Variants in CLSTN2 observed in about 807,000 individuals in gnomAD.
CLSTN2 encodes the protein calsyntenin-2.
A neutral mutation model predicts 101.2 loss-of-function variants in CLSTN2; 48 were observed. That is an observed-to-expected ratio of 0.47 (90% CI 0.38 to 0.60). CLSTN2 has a LOEUF of 0.60. CLSTN2 is among the 20% of genes least tolerant of loss of function. CLSTN2 has a pLI of 0.00. For synonymous variants in CLSTN2, 481 were observed against 463.6 expected, an observed-to-expected ratio of 1.04 and a Z score of -0.48; for missense variants, 1,160 against 1,238.2, an observed-to-expected ratio of 0.94 and a Z score of 0.95.
intron 2 of CLSTN2, among the ~76,000 whole-genome samples, chr3:140,221,167 A>G (rs1485514092): frequency 2.0e-5 from 3 of 152,184 alleles, no homozygotes; most frequent in Non-Finnish European, 2.9e-5. Flanking sequence ...ACAGCAACCC[A>G]TTGCAGGGGT....
At chr3:140,178,781 C>G (rs2010362284) in intron 2 of CLSTN2, among the ~76,000 whole-genome samples, 1 of 152,142 alleles carries the variant, frequency 6.6e-6, no homozygotes, top group Non-Finnish European at 1.5e-5. Flanking sequence ...TTGAAAAATT[C>G]ATATCTGCCA....
chr3:140,234,806 C>T (rs2086402548), intron 2 of CLSTN2, among the ~76,000 whole-genome samples: 1 of 152,146 alleles, frequency 6.6e-6, no homozygotes, highest in African/African-American at 2.4e-5. Context: ...CCGTGTACTG[C>T]CCTGGTTGTT....
intron 1 of CLSTN2, among the ~76,000 whole-genome samples, chr3:140,037,961 G>T (rs1472770555): frequency 6.6e-6 from 1 of 152,124 alleles, no homozygotes; most frequent in Non-Finnish European, 1.5e-5. Flanking sequence ...GGGCATTTGG[G>T]TTGATTCCAT....
intron 9 of CLSTN2, among the ~76,000 whole-genome samples, chr3:140,540,409 A>T (rs1935452333): frequency 6.6e-6 from 1 of 152,204 alleles, no homozygotes; most frequent in Non-Finnish European, 1.5e-5. Flanking sequence ...GATTGTGTGG[A>T]CCGAGTTTTA....
At chr3:140,407,980 GA>G (rs529888305) in intron 4 of CLSTN2, among the ~76,000 whole-genome samples, 157 of 152,270 alleles carry the variant, frequency 1.0e-3, no homozygotes, top group African/African-American at 3.6e-3. Flanking sequence ...AAAAGGCAGA[GA>G]AGGAGATCCC....
chr3:140,558,082 C>G (rs1053781022), intron 11 of CLSTN2, among the ~76,000 whole-genome samples: 2 of 152,186 alleles, frequency 1.3e-5, no homozygotes, highest in African/African-American at 4.8e-5. Context: ...TGTCTCAGAC[C>G]TCGCTCTTTT....
chr3:140,241,876 T>TACACAC (rs747382201), intron 2 of CLSTN2, among the ~76,000 whole-genome samples: 3,742 of 139,876 alleles, frequency 0.027, 57 homozygotes, highest in African/African-American at 0.04. Flanking sequence ...TACACATATA[T>TACACAC]ATATACACAC....
At chr3:140,562,416 A>G in intron 13 of CLSTN2, 108 bp downstream of exon 13, 1 of 1,112,332 alleles carries the variant, frequency 9.0e-7, no homozygotes, top group Non-Finnish European at 1.3e-6. Flanking sequence ...GTGAAGCCCC[A>G]GGGACCAGTT....
At chr3:140,435,754 G>A (rs978801915) in intron 5 of CLSTN2, among the ~76,000 whole-genome samples, 1 of 152,074 alleles carries the variant, frequency 6.6e-6, no homozygotes, top group Non-Finnish European at 1.5e-5. Context: ...TTTTGGATAT[G>A]GGCCATTTTA....
At chr3:140,486,733 G>T (rs1371679874) in intron 8 of CLSTN2, among the ~76,000 whole-genome samples, 1 of 152,176 alleles carries the variant, frequency 6.6e-6, no homozygotes, top group African/African-American at 2.4e-5. Flanking sequence ...AGGAGAAATT[G>T]GACCAGGAAT....
chr3:140,284,238 T>C (rs773267035), intron 2 of CLSTN2, among the ~76,000 whole-genome samples: 1 of 152,014 alleles, frequency 6.6e-6, no homozygotes, highest in Non-Finnish European at 1.5e-5. Flanking sequence ...ATCTAAATTC[T>C]ATTATTTTTT....
At chr3:140,393,871 T>A (rs1043119802) in intron 2 of CLSTN2, among the ~76,000 whole-genome samples, 4 of 152,216 alleles carry the variant, frequency 2.6e-5, no homozygotes, top group African/African-American at 7.2e-5. Context: ...TTGGCAAATA[T>A]TAAAAATTTA....
At chr3:140,027,742 A>T (rs951918306) in intron 1 of CLSTN2, among the ~76,000 whole-genome samples, 2 of 152,186 alleles carry the variant, frequency 1.3e-5, no homozygotes, top group Non-Finnish European at 2.9e-5. Flanking sequence ...GGAAGCCGCC[A>T]CAGCTGATGC....
In CLSTN2 at chr3:140,572,676, C is replaced by A; in HGVS notation, c.*6423C>A. ...GAAGTGCATATTCTTGGGCCCCACC[C>A]CAGACCTACTGAATGAGAAGCTCTG... On this transcript the variant is annotated 3_prime_UTR_variant, in exon 17 of 17. Transcript: ENST00000458420. 1 of 152,382 alleles carries A rather than the reference C, an allele frequency of 6.6e-6. No individual in the cohort carries two copies. The highest frequency in any genetic ancestry group is 1.5e-5 in the Non-Finnish European group (1 of 68,086). The allele number at this position is 152,382 out of a possible 1,614,324, so 9.4% of individuals were successfully genotyped here. A position where few individuals can be genotyped will look rare whatever the true frequency, so the allele number is the denominator to read the frequency against.
At chr3:140,044,674 A>C (rs1039425252) in intron 1 of CLSTN2, among the ~76,000 whole-genome samples, 2 of 151,988 alleles carry the variant, frequency 1.3e-5, no homozygotes, top group Non-Finnish European at 1.5e-5. Flanking sequence ...GTTTGTCATA[A>C]ATAGCTCTTA....
At chr3:140,475,705 T>C (rs1933968202) in intron 8 of CLSTN2, among the ~76,000 whole-genome samples, 6 of 152,310 alleles carry the variant, frequency 3.9e-5, no homozygotes, top group Admixed American at 3.3e-4. Flanking sequence ...TTGGATCCTG[T>C]CTGGTCTCTT....
chr3:140,009,192 T>G, intron 1 of CLSTN2, among the ~76,000 whole-genome samples: 1 of 152,220 alleles, frequency 6.6e-6, no homozygotes, highest in East Asian at 1.9e-4. Flanking sequence ...TCCTATCTAT[T>G]GTACTTATCC....
intron 2 of CLSTN2, among the ~76,000 whole-genome samples, chr3:140,320,517 G>T (rs996125411): frequency 6.6e-6 from 1 of 151,942 alleles, no homozygotes; most frequent in African/African-American, 2.4e-5. Flanking sequence ...AGACACCTCA[G>T]GCCAGTGGGG....
intron 1 of CLSTN2, among the ~76,000 whole-genome samples, chr3:140,039,857 TAAAC>T (rs908131145): frequency 5.3e-5 from 8 of 152,214 alleles, no homozygotes; most frequent in Non-Finnish European, 1.2e-4. Context: ...ACAAATGAAT[TAAAC>T]AATACCAACT....
Sources: allele counts gnomAD v4.1 joint callset (sites outside exome capture counted in the v4.1 genomes callset), GRCh38; gene constraint gnomAD v4.1.1; transcripts MANE v1.5; gene names NCBI Gene and HGNC (gene_info 2026-07-23, HGNC 2026-07-21).